The following JAK2 variants were observed in gnomAD, a reference collection of about 807,000 sequenced individuals.
JAK2 encodes the protein Janus kinase 2, also known as tyrosine-protein kinase JAK2.
JAK2 carries 86 observed loss-of-function variants against 139.3 expected under a neutral mutation model. The observed-to-expected ratio is 0.62, with a 90% CI of 0.52 to 0.74. The LOEUF (loss-of-function observed/expected upper bound fraction) is 0.74, where lower values mean the gene tolerates loss of function less well. Ranked by LOEUF, JAK2 falls within the 30% of genes least tolerant of loss-of-function variation. The probability of loss-of-function intolerance (pLI) is 0.00; values close to 1 mark genes in which losing one functional copy is unlikely to be tolerated. For missense variants in JAK2, 1,421 were observed against 1,360.3 expected (o/e 1.04, Z -0.70); for synonymous variants, 490 against 437.7 (o/e 1.12, Z -1.49).
chr9:5,111,357 T>C (rs2130798227), intron 22 of JAK2: 1 of 398,222 alleles, frequency 2.5e-6, no homozygotes, highest in East Asian at 6.1e-5. Context: ...CTCCCGGTAC[T>C]ACCCCTCCTA....
chr9:5,055,668 G>T lies in JAK2; in HGVS notation c.937-1G>T. ...TTAATTTTACATGCTTTTAATTATA[G>T]GATTTACAGTTATATTGCGATTTTC... On this transcript the variant is annotated splice_acceptor_variant, in intron 7 of 24. Coordinates refer to ENST00000381652, the MANE Select transcript of JAK2 (RefSeq NM_004972.4). LOFTEE classifies it high-confidence loss of function. The T allele has an allele frequency of 6.4e-7, 1 of 1,553,696 alleles. No homozygotes were observed. Among genetic ancestry groups the T allele is most frequent in the Non-Finnish European group, 8.8e-7 (1 of 1,134,278 alleles).
chr9:5,085,139 A>G (rs1819984569), intron 19 of JAK2: 1 of 647,868 alleles, frequency 1.5e-6, no homozygotes, highest in Admixed American at 1.8e-5. Context: ...TCACTCTGTA[A>G]TACATACTGT....
At chr9:5,059,936 T>A (rs538212062) in intron 8 of JAK2, among the ~76,000 whole-genome samples, 18 of 152,296 alleles carry the variant, frequency 1.2e-4, no homozygotes, top group African/African-American at 4.1e-4. Context: ...AGATTCTAAG[T>A]CTTTTGTAGG....
intron 5 of JAK2, among the ~76,000 whole-genome samples, chr9:5,049,278 T>C (rs1280857846): frequency 1.3e-5 from 2 of 152,230 alleles, no homozygotes; most frequent in Non-Finnish European, 2.9e-5. Context: ...CCATAGTTTC[T>C]AGGATCAGGT....
At chr9:5,020,861 T>A (rs1352534682) in intron 2 of JAK2, among the ~76,000 whole-genome samples, 1 of 152,030 alleles carries the variant, frequency 6.6e-6, no homozygotes, top group African/African-American at 2.4e-5. Context: ...CAGGGGCTGT[T>A]GGGCTCCAGG....
At chr9:4,995,135 G>A (rs1230037893) in intron 2 of JAK2, among the ~76,000 whole-genome samples, 1 of 152,150 alleles carries the variant, frequency 6.6e-6, no homozygotes, top group African/African-American at 2.4e-5. Context: ...GTGAAAAATA[G>A]AATCTCATTA....
At position 5,089,537 on chromosome 9, in the gene JAK2, CAAAAAAAAAAAAAAA is replaced by C. The variant is rs58042774; in HGVS notation, c.2572-123_2572-109del. ...TGGGTGACAGAGCGAGACTTCGTCT[CAAAAAAAAAAAAAAA>C]AAAAAAAAAAAAAGACAGTCTGCTA... is the stretch of plus-strand genomic sequence containing the variant. On this transcript the variant is annotated intron_variant, in intron 19 of 24. Transcript: ENST00000381652. 5.6e-4 allele frequency: 49 copies of C among 87,062 alleles called. No individual in the cohort carries two copies. In the East Asian group the frequency reaches 8.4e-3, roughly 15 times the overall value. 5.4% of individuals were successfully genotyped at this position (87,062 alleles called of 1,614,324 possible). A position where few individuals can be genotyped will look rare whatever the true frequency, so the allele number is the denominator to read the frequency against.
At chr9:5,101,324 G>A (rs993087306) in intron 22 of JAK2, among the ~76,000 whole-genome samples, 4 of 152,262 alleles carry the variant, frequency 2.6e-5, no homozygotes, top group Admixed American at 2.6e-4. Context: ...CAGCCTGGCA[G>A]GCGGAGGGGC....
rs761322630 is a variant in JAK2 at position 5,001,803 on chromosome 9, A to G, written c.-26+15781A>G. 6.0e-4 allele frequency among the ~76,000 whole-genome samples: 91 copies of G among 152,018 alleles called. 1 individual carries two copies. Among genetic ancestry groups the G allele is most frequent in the Non-Finnish European group, 1.1e-3 (74 of 67,916 alleles). On this transcript the variant is annotated intron_variant, in intron 2 of 24. Coordinates refer to ENST00000381652, the MANE Select transcript of JAK2 (RefSeq NM_004972.4). ...CTTTCCCAGGGAAGTCACTTTGGCC[A>G]AGAGTTTTCTTTGTGGGTATGTTTT...
upstream of JAK2, chr9:4,985,093 G>A (rs1819865709): frequency 6.6e-6 from 1 of 152,332 alleles, no homozygotes; most frequent in Admixed American, 6.5e-5. Flanking sequence ...GCCATTCGGG[G>A]AGACTGCAGG....
At chr9:5,052,641 G>A (rs1030371410) in intron 6 of JAK2, among the ~76,000 whole-genome samples, 1 of 151,984 alleles carries the variant, frequency 6.6e-6, no homozygotes, top group Non-Finnish European at 1.5e-5. Context: ...TTAGCATTCA[G>A]TCCTCATCCC....
intron 3 of JAK2, among the ~76,000 whole-genome samples, chr9:5,026,509 G>T: frequency 6.6e-6 from 1 of 152,284 alleles, no homozygotes; most frequent in East Asian, 1.9e-4. Context: ...TCTATCTACA[G>T]TGGAAAATAG....
chr9:5,107,592 G>T (rs1822068242), intron 22 of JAK2, among the ~76,000 whole-genome samples: 1 of 152,064 alleles, frequency 6.6e-6, no homozygotes, highest in African/African-American at 2.4e-5. Context: ...TAAGTCAAAA[G>T]AAATGATTTC....
At chr9:5,039,459 G>A (rs965363295) in intron 4 of JAK2, among the ~76,000 whole-genome samples, 3 of 152,094 alleles carry the variant, frequency 2.0e-5, no homozygotes, top group African/African-American at 7.2e-5. Flanking sequence ...CAAATACTAT[G>A]CCTTTGTATA....
At chr9:4,984,878 C>G (rs1023495645), upstream of JAK2, 2 of 152,286 alleles carry the variant, frequency 1.3e-5, no homozygotes, top group Admixed American at 6.5e-5. Context: ...ACCAGCGTTT[C>G]GCGAGGCGCC....
intron 2 of JAK2, among the ~76,000 whole-genome samples, chr9:5,021,593 C>T (rs1822433046): frequency 6.6e-6 from 1 of 152,108 alleles, no homozygotes; most frequent in African/African-American, 2.4e-5. Context: ...TGAAGGGTGC[C>T]TTATCAATAT....
intron 4 of JAK2, among the ~76,000 whole-genome samples, chr9:5,042,355 T>C (rs1464349223): frequency 2.0e-5 from 3 of 151,712 alleles, no homozygotes; most frequent in Non-Finnish European, 4.4e-5. Flanking sequence ...GCCAGGATGG[T>C]CTCGATCTCC....
chr9:5,083,978 G>C (rs905489250), intron 19 of JAK2, among the ~76,000 whole-genome samples: 1 of 151,724 alleles, frequency 6.6e-6, no homozygotes, highest in Non-Finnish European at 1.5e-5. Context: ...ATATTCTTTT[G>C]AGACATAATT....
At chr9:5,086,122 G>A in intron 19 of JAK2, 1 of 431,808 alleles carries the variant, frequency 2.3e-6, no homozygotes, top group South Asian at 2.7e-5. Context: ...ATCGGCAGCG[G>A]CGCGCGGCCC....
Sources: allele counts gnomAD v4.1 joint callset (sites outside exome capture counted in the v4.1 genomes callset), GRCh38; gene constraint gnomAD v4.1.1; transcripts MANE v1.5; gene names NCBI Gene and HGNC (gene_info 2026-07-23, HGNC 2026-07-21).